The following KCNU1 variants were observed in gnomAD, a reference collection of about 807,000 sequenced individuals.
The protein encoded by KCNU1 is potassium calcium-activated channel subfamily U member 1, also known as potassium channel subfamily U member 1.
In KCNU1, 93 loss-of-function variants were observed where a neutral mutation model predicts 126.8. That is an observed-to-expected ratio of 0.73 (90% confidence interval 0.62 to 0.87). The LOEUF is 0.87. Among genes scored for constraint, KCNU1 ranks in the 40% least tolerant of loss-of-function variants. KCNU1 has a pLI of 0.00. For missense variants in KCNU1, 1,330 were observed against 1,367.1 expected (o/e 0.97, Z 0.43); for synonymous variants, 523 against 494.2 (o/e 1.06, Z -0.77).
chr8:36,867,617 G>A (rs137945725), intron 19 of KCNU1, among the ~76,000 whole-genome samples: 8 of 152,180 alleles, frequency 5.3e-5, no homozygotes, highest in African/African-American at 1.7e-4. Context: ...TCTCTCACAC[G>A]TCTTCTCTGT....
chr8:36,818,874 G>A (rs1378116564), intron 10 of KCNU1, among the ~76,000 whole-genome samples: 1 of 152,128 alleles, frequency 6.6e-6, no homozygotes. Context: ...CGTTTAAGTA[G>A]CATCAGTGTG....
In KCNU1 at chr8:36,833,655, T is replaced by C. The variant is rs1486031739; in HGVS notation, c.1208T>C (p.Val403Ala). The C allele has an allele frequency of 1.3e-6, 2 of 1,597,074 alleles. No individual in the cohort carries two copies. The highest frequency in any genetic ancestry group is 1.7e-6 in the Non-Finnish European group (2 of 1,165,022). The change falls in exon 11 of 27, where the codon GTT becomes GCT. Residue 403 changes from valine (V) to alanine (A), a missense_variant. Transcript: ENST00000399881. ...ATGAAGTGGGAGGATCTGAGGCGAG[T>C]TGCGGTAAGATCTAGCTGTTTTTGT... ...SAMKWEDLRR[V>A]AVESAEACLI...
At chr8:36,893,145 T>G (rs557260618) in intron 19 of KCNU1, among the ~76,000 whole-genome samples, 5 of 53,562 alleles carry the variant, frequency 9.3e-5, no homozygotes, top group Admixed American at 2.2e-4. Context: ...TTTTTTTTTG[T>G]TTTTTTTTTG....
At chr8:36,933,765 A>T (rs949217445) in intron 26 of KCNU1, among the ~76,000 whole-genome samples, 2 of 152,016 alleles carry the variant, frequency 1.3e-5, no homozygotes, top group African/African-American at 4.8e-5. Context: ...AACAGCAACA[A>T]TTTTTTTGGC....
chr8:36,786,490 G>T (rs914524639), intron 1 of KCNU1, among the ~76,000 whole-genome samples: 2 of 152,138 alleles, frequency 1.3e-5, no homozygotes, highest in Non-Finnish European at 2.9e-5. Flanking sequence ...GAAAAATTAA[G>T]TGATTTTGAA....
intron 19 of KCNU1, among the ~76,000 whole-genome samples, chr8:36,900,703 T>C (rs751966847): frequency 3.3e-5 from 5 of 152,116 alleles, no homozygotes; most frequent in Admixed American, 6.6e-5. Flanking sequence ...TAGCCTTTGA[T>C]ATACAAAAAT....
rs578032671 is a variant in KCNU1, at chr8:36,814,141, C to A, written c.733-66C>A. On this transcript the variant is annotated intron_variant, in intron 7 of 26. Coordinates refer to ENST00000399881, the MANE Select transcript of KCNU1 (RefSeq NM_001031836.3). The stretch of plus-strand genomic sequence containing the variant: ...AAGTGCAATTAATCTAATGTTTTGC[C>A]TATTCTTTAAAAATCTTCTCTTGGA... 3.2e-6 allele frequency: 4 copies of A among 1,241,132 alleles called. No individual in the cohort carries two copies. In the South Asian group the frequency reaches 5.3e-5, roughly 16 times the overall value. 76.9% of individuals were successfully genotyped at this position (1,241,132 alleles called of 1,614,324 possible). A position where few individuals can be genotyped will look rare whatever the true frequency, so the allele number is the denominator to read the frequency against.
chr8:36,899,741 T>C (rs1324361167), intron 19 of KCNU1, among the ~76,000 whole-genome samples: 1 of 152,198 alleles, frequency 6.6e-6, no homozygotes, highest in South Asian at 2.1e-4. Flanking sequence ...TCAGCAGAAC[T>C]CTTCAATAAA....
chr8:36,918,480 A>G (rs1448889861), intron 22 of KCNU1, among the ~76,000 whole-genome samples: 1 of 151,878 alleles, frequency 6.6e-6, no homozygotes, highest in Non-Finnish European at 1.5e-5. Context: ...ACTTGAGCTC[A>G]GGAGTTGGAG....
chr8:36,933,146 G>A lies in KCNU1; in HGVS notation c.3044+114G>A, dbSNP rs1025396404. The A allele has an allele frequency of 3.5e-5, 23 of 651,424 alleles. No individual in the cohort carries two copies. The Admixed American group carries it at 6.2e-4, about 18-fold the overall frequency. The allele number at this position is 651,424 out of a possible 1,614,324, so 40.4% of individuals were successfully genotyped here. ...CTCAGGGTCCACAGTTGCAAGGAAG[G>A]GTGCATGGGAAATAAAAAACTATGT... On this transcript the variant is annotated intron_variant, in intron 26 of 26. Coordinates refer to ENST00000399881, the MANE Select transcript of KCNU1 (RefSeq NM_001031836.3).
chr8:36,801,166 A>G (rs1350231462), intron 2 of KCNU1, among the ~76,000 whole-genome samples: 2 of 152,172 alleles, frequency 1.3e-5, no homozygotes, highest in African/African-American at 4.8e-5. Context: ...CTAGTTACTT[A>G]TAAATTTGGG....
At chr8:36,879,209 G>GTATATA (rs1429299814) in intron 19 of KCNU1, among the ~76,000 whole-genome samples, 1,351 of 86,492 alleles carry the variant, frequency 0.016, 27 homozygotes, top group Admixed American at 0.023. Context: ...GTGTGTGTGT[G>GTATATA]TGTATATATA....
At chr8:36,821,861 A>T (rs958702936) in intron 10 of KCNU1, among the ~76,000 whole-genome samples, 1 of 152,176 alleles carries the variant, frequency 6.6e-6, no homozygotes. Context: ...TGTGTTAGAT[A>T]TTTGACCAAA....
chr8:36,860,942 A>G (rs1805707241), intron 18 of KCNU1, among the ~76,000 whole-genome samples: 1 of 149,980 alleles, frequency 6.7e-6, no homozygotes, highest in African/African-American at 2.5e-5. Flanking sequence ...ATTCCAGACT[A>G]TTAATTGACC....
intron 18 of KCNU1, 27 bp from the exon 19 acceptor site, chr8:36,864,377 C>T (rs766215789): frequency 1.8e-5 from 24 of 1,320,550 alleles, no homozygotes; most frequent in Non-Finnish European, 2.4e-5. Context: ...GATGTGCCAA[C>T]TCACTGAGAT....
intron 18 of KCNU1, among the ~76,000 whole-genome samples, chr8:36,852,912 T>C (rs1057014486): frequency 6.6e-6 from 1 of 152,142 alleles, no homozygotes; most frequent in Non-Finnish European, 1.5e-5. Flanking sequence ...TATTCTACAA[T>C]TGATTTATTT....
intron 2 of KCNU1, among the ~76,000 whole-genome samples, chr8:36,793,745 G>A (rs1336265303): frequency 1.3e-5 from 2 of 152,070 alleles, no homozygotes; most frequent in Non-Finnish European, 2.9e-5. Flanking sequence ...TGTTAATAGA[G>A]CCTCTTTTAT....
At chr8:36,905,006 T>C (rs1460572707) in intron 19 of KCNU1, among the ~76,000 whole-genome samples, 1 of 152,154 alleles carries the variant, frequency 6.6e-6, no homozygotes, top group Non-Finnish European at 1.5e-5. Flanking sequence ...TTTCTTATTC[T>C]CTCACAAGCA....
chr8:36,855,646 G>A (rs183647197), intron 18 of KCNU1, among the ~76,000 whole-genome samples: 27 of 151,942 alleles, frequency 1.8e-4, no homozygotes, highest in African/African-American at 6.5e-4. Flanking sequence ...TGTTTTCAAG[G>A]CTCCTGTTGG....
Sources: allele counts gnomAD v4.1 joint callset (sites outside exome capture counted in the v4.1 genomes callset), GRCh38; gene constraint gnomAD v4.1.1; transcripts MANE v1.5; gene names NCBI Gene and HGNC (gene_info 2026-07-23, HGNC 2026-07-21).